The following RSF1 variants were observed in gnomAD, a reference collection of about 807,000 sequenced individuals.
RSF1 encodes HBV pX-associated protein 8.
A neutral mutation model predicts 145.2 loss-of-function variants in RSF1; 13 were observed. The ratio of observed to expected loss-of-function variants is 0.09; its 90% CI spans 0.06 to 0.14. The LOEUF (loss-of-function observed/expected upper bound fraction) is 0.14, where lower values mean the gene tolerates loss of function less well. Ranked by LOEUF, RSF1 falls within the 10% of genes least tolerant of loss-of-function variation. RSF1 has a pLI of 1.00. For missense variants in RSF1, 1,517 were observed against 1,718.2 expected (o/e 0.88, Z 2.07); for synonymous variants, 577 against 592.6 (o/e 0.97, Z 0.38).
chr11:77,705,694 C>T (rs1960531801), intron 5 of RSF1, among the ~76,000 whole-genome samples: 1 of 152,002 alleles, frequency 6.6e-6, no homozygotes, highest in African/African-American at 2.4e-5. Flanking sequence ...TGCCTTTTGC[C>T]CTTTTCCCTT....
At chr11:77,719,778 T>C (rs1960902336) in intron 5 of RSF1, among the ~76,000 whole-genome samples, 1 of 152,236 alleles carries the variant, frequency 6.6e-6, no homozygotes, top group Non-Finnish European at 1.5e-5. Flanking sequence ...AATGAAGTAC[T>C]GATACATGCT....
chr11:77,678,810 G>A (rs1167488402), intron 11 of RSF1, among the ~76,000 whole-genome samples: 2 of 152,098 alleles, frequency 1.3e-5, no homozygotes, highest in Non-Finnish European at 2.9e-5. Flanking sequence ...CCGTGATTAA[G>A]AACACCCTAG....
At chr11:77,732,424 C>T (rs547680983) in intron 4 of RSF1, among the ~76,000 whole-genome samples, 37 of 152,064 alleles carry the variant, frequency 2.4e-4, no homozygotes, top group African/African-American at 3.4e-4. Context: ...TGAGTCAATA[C>T]TTTGGGGGAC....
intron 1 of RSF1, among the ~76,000 whole-genome samples, chr11:77,803,000 A>G (rs572968104): frequency 3.9e-5 from 6 of 152,342 alleles, no homozygotes; most frequent in Non-Finnish European, 8.8e-5. Flanking sequence ...AACTGAATTC[A>G]GCAACATATG....
the RSF1 span, among the ~76,000 whole-genome samples, chr11:77,833,387 T>A: frequency 7.9e-5 from 12 of 152,166 alleles, no homozygotes; most frequent in Non-Finnish European, 1.3e-4. Context: ...TAGATTTTCA[T>A]AAGGGACTGT....
chr11:77,691,648 T>C (rs1960152677), intron 8 of RSF1: 1 of 156,966 alleles, frequency 6.4e-6, no homozygotes, highest in South Asian at 1.9e-4. Flanking sequence ...AAAAGGTGAC[T>C]GGGCTGGTGT....
intron 15 of RSF1, among the ~76,000 whole-genome samples, chr11:77,668,696 A>G (rs1959438832): frequency 6.6e-6 from 1 of 152,248 alleles, no homozygotes; most frequent in Non-Finnish European, 1.5e-5. Flanking sequence ...TGTATCAGGT[A>G]TTTTAAATAT....
chr11:77,684,151 T>C (rs748242833), intron 10 of RSF1, among the ~76,000 whole-genome samples: 6 of 152,240 alleles, frequency 3.9e-5, no homozygotes, highest in Non-Finnish European at 8.8e-5. Flanking sequence ...GTATGCTGCA[T>C]GAATGAAAGA....
chr11:77,695,165 A>C (rs1183668469), intron 7 of RSF1, among the ~76,000 whole-genome samples: 2 of 152,178 alleles, frequency 1.3e-5, no homozygotes, highest in African/African-American at 4.8e-5. Flanking sequence ...TATGAGTATC[A>C]AATAATTTGT....
intron 4 of RSF1, among the ~76,000 whole-genome samples, chr11:77,740,239 G>A (rs558610002): frequency 6.6e-6 from 1 of 152,208 alleles, no homozygotes; most frequent in Non-Finnish European, 1.5e-5. Context: ...GCTGGGCATG[G>A]TGGCACACGC....
chr11:77,708,721 C>T (rs1005349966), intron 5 of RSF1, among the ~76,000 whole-genome samples: 1 of 152,172 alleles, frequency 6.6e-6, no homozygotes, highest in Non-Finnish European at 1.5e-5. Flanking sequence ...GTCAATAAAG[C>T]ACAAGGCCCT....
intron 5 of RSF1, among the ~76,000 whole-genome samples, chr11:77,706,411 AAGG>A: frequency 6.6e-6 from 1 of 151,956 alleles, no homozygotes. Context: ...TCTATACCTC[AAGG>A]AGGAGCTGTG....
intron 1 of RSF1, among the ~76,000 whole-genome samples, chr11:77,815,622 C>T (rs541944964): frequency 2.6e-5 from 4 of 152,178 alleles, no homozygotes; most frequent in South Asian, 4.1e-4. Context: ...ACTATTGCTC[C>T]ACTTGATAAA....
intron 1 of RSF1, among the ~76,000 whole-genome samples, chr11:77,801,962 G>GC (rs924216005): frequency 4.6e-5 from 7 of 151,836 alleles, no homozygotes; most frequent in African/African-American, 1.7e-4. Context: ...GCCTAGGAAT[G>GC]CAAGAACAGC....
intron 5 of RSF1, among the ~76,000 whole-genome samples, chr11:77,718,766 C>T (rs1960876117): frequency 6.6e-6 from 1 of 152,140 alleles, no homozygotes; most frequent in Admixed American, 6.5e-5. Flanking sequence ...ACTTTTAACT[C>T]CAGAACTGAG....
chr11:77,700,799 CTCT>C lies in RSF1; in HGVS notation c.2427_2429del (p.Glu810del). ...TGTCAGTTTTTTGCAAAGCTGTTGA[CTCT>C]TCTTCCACCTCATCTTCTCCTTCCC... On this transcript the variant is annotated inframe_deletion, in exon 6 of 16. Coordinates refer to ENST00000308488, the MANE Select transcript of RSF1 (RefSeq NM_016578.4). 6.2e-7 allele frequency: 1 copy of C among 1,610,660 alleles called. No homozygotes were observed. The highest frequency in any genetic ancestry group is 8.5e-7 in the Non-Finnish European group (1 of 1,179,550).
the RSF1 span, among the ~76,000 whole-genome samples, chr11:77,827,666 T>C: frequency 6.6e-6 from 1 of 152,178 alleles, no homozygotes; most frequent in Non-Finnish European, 1.5e-5. Flanking sequence ...ATGCCTAATA[T>C]ATGGAATGCT....
intron 4 of RSF1, among the ~76,000 whole-genome samples, chr11:77,732,223 A>T (rs951768473): frequency 6.6e-6 from 1 of 152,228 alleles, no homozygotes; most frequent in East Asian, 1.9e-4. Context: ...TCGGACTTGC[A>T]TGGGGCCTAC....
intron 3 of RSF1, among the ~76,000 whole-genome samples, chr11:77,743,532 G>C (rs185421747): frequency 6.6e-6 from 1 of 152,098 alleles, no homozygotes; most frequent in African/African-American, 2.4e-5. Context: ...TGTGATTTAT[G>C]AGTAGAAACA....
Sources: gnomAD v4.1 joint callset for allele counts (sites outside exome capture counted in the v4.1 genomes callset) on GRCh38, gnomAD v4.1.1 for gene constraint, MANE v1.5 for transcripts, NCBI Gene and HGNC (gene_info 2026-07-23, HGNC 2026-07-21) for gene names.